SYNPR: variants seen among roughly 807,000 people sequenced by gnomAD.
SYNPR encodes the protein synaptoporin.
SYNPR carries 23 observed loss-of-function variants against 32.9 expected under a neutral mutation model. That is an observed-to-expected ratio of 0.70 (90% CI 0.50 to 0.99). SYNPR has a LOEUF of 0.99. Ranked by LOEUF, SYNPR falls within the 50% of genes least tolerant of loss-of-function variation. The pLI, the probability that SYNPR is intolerant of heterozygous loss-of-function variation, is 0.00. For missense variants in SYNPR, 318 were observed against 349.3 expected (o/e 0.91, Z 0.71); for synonymous variants, 146 against 135.9 (o/e 1.07, Z -0.52).
chr3:63,224,502 G>T (rs551444117), upstream of SYNPR, among the ~76,000 whole-genome samples: 9 of 152,260 alleles, frequency 5.9e-5, no homozygotes, highest in East Asian at 1.7e-3. Flanking sequence ...CAGCACAGTT[G>T]AACTAATTAA....
At chr3:63,467,779 T>A (rs1700711802) in intron 2 of SYNPR, among the ~76,000 whole-genome samples, 1 of 152,228 alleles carries the variant, frequency 6.6e-6, no homozygotes, top group South Asian at 2.1e-4. Flanking sequence ...ACTGTCTATT[T>A]TAGTTTCGTT....
At chr3:63,445,519 T>C (rs1183020324) in intron 2 of SYNPR, 1 of 695,990 alleles carries the variant, frequency 1.4e-6, no homozygotes. Context: ...TAAAATTTCA[T>C]AATCAGCTCC....
In SYNPR at chr3:63,379,282, A is replaced by G. The variant is rs557851955; in HGVS notation, c.84+100540A>G. Among the ~76,000 whole-genome samples, 12 of 152,230 alleles carry G rather than the reference A, an allele frequency of 7.9e-5. 1 individual carries two copies. Among genetic ancestry groups the G allele is most frequent in the African/African-American group, 1.9e-4 (8 of 41,564 alleles). The stretch of plus-strand genomic sequence containing the variant: ...TGTATATCCTGCTGTTGAAAAGTAT[A>G]TGTATTCTGCTGTCGTTTGGTGAAG... On this transcript the variant is annotated intron_variant, in intron 2 of 5. Coordinates refer to ENST00000478300, the MANE Select transcript of SYNPR (RefSeq NM_001130003.2).
At chr3:63,294,710 G>C (rs2086775672) in intron 2 of SYNPR, among the ~76,000 whole-genome samples, 1 of 151,978 alleles carries the variant, frequency 6.6e-6, no homozygotes, top group Non-Finnish European at 1.5e-5. Flanking sequence ...AATTACTGTT[G>C]TTATAAATCT....
At chr3:63,227,658 C>A (rs1023738712), upstream of SYNPR, among the ~76,000 whole-genome samples, 1 of 152,156 alleles carries the variant, frequency 6.6e-6, no homozygotes, top group Non-Finnish European at 1.5e-5. Context: ...AATAACTGCT[C>A]TATCTACAGG....
At chr3:63,201,750 G>T in the SYNPR span, among the ~76,000 whole-genome samples, 1 of 151,740 alleles carries the variant, frequency 6.6e-6, no homozygotes, top group African/African-American at 2.4e-5. Flanking sequence ...CAAAAATAAA[G>T]AATTTACAAT....
At chr3:63,414,211 G>T (rs186516025) in intron 2 of SYNPR, among the ~76,000 whole-genome samples, 1 of 152,204 alleles carries the variant, frequency 6.6e-6, no homozygotes, top group African/African-American at 2.4e-5. Flanking sequence ...ACAGCTTTCT[G>T]CTGGCTAGAT....
At position 63,301,252 on chromosome 3, in the gene SYNPR, G is replaced by A. The variant is rs150615182; in HGVS notation, c.84+22510G>A. 2.1e-4 allele frequency among the ~76,000 whole-genome samples: 32 copies of A among 152,186 alleles called. No individual in the cohort carries two copies. In the East Asian group the frequency reaches 6.2e-3, roughly 29 times the overall value. ...ACTTTGGATATTTAGATAATATTTT[G>A]GGTGACTGTTAGGTATAAAATGCGT... is the stretch of plus-strand genomic sequence containing the variant. On this transcript the variant is annotated intron_variant, in intron 2 of 5. Transcript: ENST00000478300.
intron 2 of SYNPR, among the ~76,000 whole-genome samples, chr3:63,306,703 G>A (rs141229307): frequency 3.3e-5 from 5 of 152,122 alleles, no homozygotes; most frequent in African/African-American, 1.2e-4. Context: ...TCCTTGAAAA[G>A]GATTAAGTTT....
intron 4 of SYNPR, among the ~76,000 whole-genome samples, chr3:63,574,833 G>A (rs907776842): frequency 9.9e-5 from 15 of 152,136 alleles, no homozygotes; most frequent in Admixed American, 5.9e-4. Flanking sequence ...AGATAGATAA[G>A]CAGGCAATTT....
At chr3:63,460,572 C>CAAAAAAA (rs11390803) in intron 2 of SYNPR, among the ~76,000 whole-genome samples, 16 of 45,704 alleles carry the variant, frequency 3.5e-4, no homozygotes, top group African/African-American at 1.5e-3. Flanking sequence ...ATTGGTAGAC[C>CAAAAAAA]AAAAAAAAAA....
intron 2 of SYNPR, among the ~76,000 whole-genome samples, chr3:63,411,616 C>T (rs562273616): frequency 6.6e-6 from 1 of 152,172 alleles, no homozygotes; most frequent in South Asian, 2.1e-4. Flanking sequence ...AAGAGACAGC[C>T]AGCGGGTGAA....
intron 2 of SYNPR, among the ~76,000 whole-genome samples, chr3:63,285,561 CAT>C (rs1269346090): frequency 6.6e-6 from 1 of 152,146 alleles, no homozygotes; most frequent in Non-Finnish European, 1.5e-5. Context: ...TGACAACAAT[CAT>C]GTGCAATTGG....
chr3:63,606,233 A>G (rs1700117045), intron 4 of SYNPR, among the ~76,000 whole-genome samples: 1 of 152,058 alleles, frequency 6.6e-6, no homozygotes, highest in African/African-American at 2.4e-5. Context: ...GATAAGAGAA[A>G]CTTAGTTATA....
intron 3 of SYNPR, among the ~76,000 whole-genome samples, chr3:63,539,666 C>A (rs1171144165): frequency 6.6e-6 from 1 of 152,098 alleles, no homozygotes; most frequent in Non-Finnish European, 1.5e-5. Flanking sequence ...AAAACAAAGA[C>A]CTAGGCACAA....
chr3:63,255,516 T>A (rs1027474344), intron 2 of SYNPR, among the ~76,000 whole-genome samples: 3 of 152,202 alleles, frequency 2.0e-5, no homozygotes, highest in African/African-American at 7.2e-5. Flanking sequence ...TCCCTTTCAC[T>A]TTTTAGATGG....
At chr3:63,462,533 T>C (rs1700603909) in intron 2 of SYNPR, among the ~76,000 whole-genome samples, 1 of 152,112 alleles carries the variant, frequency 6.6e-6, no homozygotes, top group South Asian at 2.1e-4. Flanking sequence ...AAGTCAGTGG[T>C]GTGAATTTAC....
chr3:63,425,038 G>T (rs1699868446), intron 2 of SYNPR, among the ~76,000 whole-genome samples: 1 of 152,202 alleles, frequency 6.6e-6, no homozygotes, highest in Non-Finnish European at 1.5e-5. Flanking sequence ...GGAGGGGAAA[G>T]TGTGGTCTTC....
At chr3:63,485,838 G>A (rs1243322707) in intron 3 of SYNPR, among the ~76,000 whole-genome samples, 1 of 152,046 alleles carries the variant, frequency 6.6e-6, no homozygotes, top group African/African-American at 2.4e-5. Context: ...TAAATATAGG[G>A]AACAACAGAA....
Sources: gnomAD v4.1 joint callset for allele counts (sites outside exome capture counted in the v4.1 genomes callset) on GRCh38, gnomAD v4.1.1 for gene constraint, MANE v1.5 for transcripts, NCBI Gene and HGNC (gene_info 2026-07-23, HGNC 2026-07-21) for gene names.